PDE11A: variants seen among roughly 807,000 people sequenced by gnomAD.
The protein encoded by PDE11A is dual 3',5'-cyclic-AMP and -GMP phosphodiesterase 11A.
In PDE11A, 100 loss-of-function variants were observed where a neutral mutation model predicts 100.5. The ratio of observed to expected loss-of-function variants is 1.00; its 90% CI spans 0.85 to 1.18. The LOEUF (loss-of-function observed/expected upper bound fraction) is 1.18, where lower values mean the gene tolerates loss of function less well. PDE11A is among the 50% of genes most tolerant of loss of function. The pLI, the probability that PDE11A is intolerant of heterozygous loss-of-function variation, is 0.00. For synonymous variants in PDE11A, 381 were observed against 420.8 expected, an observed-to-expected ratio of 0.91 and a Z score of 1.16; for missense variants, 1,141 against 1,152.6, an observed-to-expected ratio of 0.99 and a Z score of 0.15.
At chr2:177,841,457 T>C (rs1473331049) in intron 5 of PDE11A, among the ~76,000 whole-genome samples, 1 of 152,216 alleles carries the variant, frequency 6.6e-6, no homozygotes, top group Non-Finnish European at 1.5e-5. Context: ...CATCACTCTA[T>C]TGACTTTTTA....
chr2:177,767,719 G>A (rs1379860881), intron 10 of PDE11A, among the ~76,000 whole-genome samples: 3 of 151,814 alleles, frequency 2.0e-5, no homozygotes, highest in Non-Finnish European at 4.4e-5. Context: ...CAACTGCTTC[G>A]AGTTCTAGAA....
intron 10 of PDE11A, among the ~76,000 whole-genome samples, chr2:177,734,036 G>A (rs1031890719): frequency 2.6e-5 from 4 of 152,232 alleles, no homozygotes; most frequent in Non-Finnish European, 1.5e-5. Flanking sequence ...TATGCCAAGC[G>A]AGGGTCCCCC....
chr2:177,840,265 G>T lies in PDE11A; in HGVS notation c.1486C>A (p.Arg496Ser), dbSNP rs143543408. Residue 496 changes from arginine to serine, a missense_variant, in exon 6 of 20, where the codon CGC becomes AGC. Physicochemically the swap from Arg to Ser is moderately radical, Grantham distance 110. Transcript: ENST00000286063. The stretch of plus-strand genomic sequence containing the variant: ...GCTCCTCTTACCTCTGCATCAAAGC[G>T]CGGATCCTGGTAGGCATCACTGATG... ...VNISDAYQDP[R>S]FDAEADQISG... 5 of 1,613,962 alleles carry T rather than the reference G, an allele frequency of 3.1e-6. No individual in the cohort carries two copies. Among genetic ancestry groups the T allele is most frequent in the Non-Finnish European group, 4.2e-6 (5 of 1,179,994 alleles).
rs752592674 is a variant in PDE11A, at chr2:177,832,019, CT to C, written c.1500+8231del. Among the ~76,000 whole-genome samples the C allele has an allele frequency of 8.5e-5, 13 of 152,262 alleles. No individual in the cohort carries two copies. In the South Asian group the frequency reaches 1.0e-3, roughly 12 times the overall value. Reference sequence around the variant, plus strand: ...AGGAGCACGGCAGGAGAGGCCCCCCCTGACCCCTCCACGAATGTCAGGTGAC... The same window carrying C: ...AGGAGCACGGCAGGAGAGGCCCCCCCGACCCCTCCACGAATGTCAGGTGAC... On this transcript the variant is annotated intron_variant, in intron 6 of 19. Coordinates refer to ENST00000286063, the MANE Select transcript of PDE11A (RefSeq NM_016953.4).
chr2:177,747,294 G>C (rs1432365348), intron 10 of PDE11A, among the ~76,000 whole-genome samples: 1 of 152,186 alleles, frequency 6.6e-6, no homozygotes, highest in Non-Finnish European at 1.5e-5. Context: ...GCCTTGTTTT[G>C]ACAATTTGGC....
chr2:177,799,028 T>C (rs1029980229), intron 9 of PDE11A, among the ~76,000 whole-genome samples: 1 of 152,214 alleles, frequency 6.6e-6, no homozygotes, highest in African/African-American at 2.4e-5. Context: ...TATGATGTGA[T>C]TAAAATGGCA....
chr2:177,894,734 C>T (rs1231583789), intron 4 of PDE11A, among the ~76,000 whole-genome samples: 1 of 152,156 alleles, frequency 6.6e-6, no homozygotes, highest in Non-Finnish European at 1.5e-5. Flanking sequence ...TTCCTGCAGG[C>T]CACCAATCTT....
At chr2:177,968,586 G>A (rs950996477) in intron 2 of PDE11A, among the ~76,000 whole-genome samples, 2 of 152,044 alleles carry the variant, frequency 1.3e-5, no homozygotes, top group Admixed American at 1.3e-4. Flanking sequence ...AACAATTCAG[G>A]TGAAAATACT....
At chr2:177,979,077 T>TAAAA (rs72020976) in intron 2 of PDE11A, among the ~76,000 whole-genome samples, 2 of 113,022 alleles carry the variant, frequency 1.8e-5, no homozygotes, top group African/African-American at 6.3e-5. Context: ...TAGAGTATAA[T>TAAAA]AAAAAAAAAA....
At chr2:178,037,987 A>G (rs1390720278) in intron 1 of PDE11A, among the ~76,000 whole-genome samples, 1 of 152,110 alleles carries the variant, frequency 6.6e-6, no homozygotes, top group African/African-American at 2.4e-5. Flanking sequence ...ATGTATACCT[A>G]TGTAACAAAC....
intron 19 of PDE11A, among the ~76,000 whole-genome samples, chr2:177,630,232 T>G (rs2079898058): frequency 6.6e-6 from 1 of 152,166 alleles, no homozygotes; most frequent in Non-Finnish European, 1.5e-5. Context: ...ACGACCAGGC[T>G]GATGAAAGTC....
chr2:177,995,932 G>C (rs1336571661), intron 2 of PDE11A, among the ~76,000 whole-genome samples: 1 of 152,084 alleles, frequency 6.6e-6, no homozygotes, highest in Non-Finnish European at 1.5e-5. Flanking sequence ...ATTTGTCTTT[G>C]AAAATGCAGC....
At chr2:178,077,260 C>CTTTT (rs57259393), upstream of PDE11A, among the ~76,000 whole-genome samples, 48 of 98,634 alleles carry the variant, frequency 4.9e-4, no homozygotes, top group African/African-American at 1.4e-3. Context: ...TTCTTTCTTT[C>CTTTT]TTTTTTTTTT....
chr2:177,999,843 T>C lies in PDE11A; in HGVS notation c.1071+14459A>G, dbSNP rs183085464. ...TAAACCCCCTTTCAAGAACTGTGTC[T>C]AATAGACCTTCAAAGCATCTCTGGG... On this transcript the variant is annotated intron_variant, in intron 2 of 19. Coordinates refer to ENST00000286063, the MANE Select transcript of PDE11A (RefSeq NM_016953.4). 1.8e-3 allele frequency among the ~76,000 whole-genome samples: 269 copies of C among 152,336 alleles called. 3 individuals are homozygous for C. Among genetic ancestry groups the C allele is most frequent in the African/African-American group, 6.2e-3 (259 of 41,576 alleles).
intron 1 of PDE11A, chr2:178,038,941 T>C (rs1159289007): frequency 6.6e-6 from 1 of 152,158 alleles, no homozygotes; most frequent in African/African-American, 2.4e-5. Context: ...ATTGGCACAA[T>C]AGAAGATTAG....
At chr2:178,006,268 G>T (rs34081471) in intron 2 of PDE11A, among the ~76,000 whole-genome samples, 8,456 of 152,240 alleles carry the variant, frequency 0.056, 295 homozygotes, top group South Asian at 0.092. Flanking sequence ...TAAAGACAAA[G>T]AATAATCACT....
chr2:178,074,921 T>C (rs544624444), upstream of PDE11A, among the ~76,000 whole-genome samples: 13 of 152,290 alleles, frequency 8.5e-5, no homozygotes, highest in Admixed American at 7.2e-4. Context: ...CAGAGGGCTG[T>C]AATGGAGGGC....
At chr2:178,106,848 T>C (rs1219086780) in intron 1 of PDE11A, among the ~76,000 whole-genome samples, 2 of 149,830 alleles carry the variant, frequency 1.3e-5, no homozygotes, top group Admixed American at 6.7e-5. Flanking sequence ...TAGTCCCACC[T>C]ACTCAGGAGG....
chr2:177,872,287 C>T (rs1358037844), intron 5 of PDE11A, among the ~76,000 whole-genome samples: 3 of 152,188 alleles, frequency 2.0e-5, no homozygotes, highest in African/African-American at 7.2e-5. Context: ...TTTCTAACTA[C>T]TAGAATCCCT....
Sources: allele counts gnomAD v4.1 joint callset (sites outside exome capture counted in the v4.1 genomes callset), GRCh38; gene constraint gnomAD v4.1.1; transcripts MANE v1.5; gene names NCBI Gene and HGNC (gene_info 2026-07-23, HGNC 2026-07-21).